Variants in SYNE1 observed in about 807,000 individuals in gnomAD.
SYNE1 encodes the protein nesprin-1.
A neutral mutation model predicts 1,111.0 loss-of-function variants in SYNE1; 616 were observed. The ratio of observed to expected loss-of-function variants is 0.55; its 90% CI spans 0.52 to 0.59. The LOEUF is 0.59. Ranked by LOEUF, SYNE1 falls within the 20% of genes least tolerant of loss-of-function variation. The probability of loss-of-function intolerance (pLI) is 0.00; values close to 1 mark genes in which losing one functional copy is unlikely to be tolerated. For missense variants in SYNE1, 10,006 were observed against 10,417.0 expected (o/e 0.96, Z 1.72); for synonymous variants, 3,855 against 3,825.8 (o/e 1.01, Z -0.28).
chr6:152,625,409 A>G (rs945542339), intron 3 of SYNE1, among the ~76,000 whole-genome samples: 1 of 152,206 alleles, frequency 6.6e-6, no homozygotes, highest in Non-Finnish European at 1.5e-5. Context: ...CACTCGCCAG[A>G]TCACTTTCAC....
intron 95 of SYNE1, among the ~76,000 whole-genome samples, chr6:152,292,765 C>A (rs1180780542): frequency 6.6e-6 from 1 of 152,200 alleles, no homozygotes; most frequent in Non-Finnish European, 1.5e-5. Flanking sequence ...AAATATCTTT[C>A]TTTCCTCCTG....
intron 128 of SYNE1, among the ~76,000 whole-genome samples, chr6:152,181,117 G>A (rs893321036): frequency 4.7e-5 from 7 of 149,482 alleles, no homozygotes; most frequent in South Asian, 4.2e-4. Flanking sequence ...AGTGGCTCAC[G>A]TCTGTAATCC....
At chr6:152,432,883 T>C (rs1173269185) in intron 34 of SYNE1, among the ~76,000 whole-genome samples, 1 of 152,106 alleles carries the variant, frequency 6.6e-6, no homozygotes, top group African/African-American at 2.4e-5. Context: ...ACTGTGTATA[T>C]GAAACTCCAT....
chr6:152,326,694 G>A (rs1195399392), intron 78 of SYNE1, 61 bp from the exon 79 acceptor site: 16 of 1,505,830 alleles, frequency 1.1e-5, no homozygotes, highest in Non-Finnish European at 1.4e-5. Flanking sequence ...GCAGGAAAGA[G>A]TTTTATTCAC....
At chr6:152,567,929 T>A (rs2099420052) in intron 3 of SYNE1, among the ~76,000 whole-genome samples, 1 of 152,114 alleles carries the variant, frequency 6.6e-6, no homozygotes, top group Middle Eastern at 3.4e-3. Context: ...AAATACACAG[T>A]CCAGAAAGAG....
chr6:152,364,889 T>C lies in SYNE1; in HGVS notation c.10103A>G (p.Asp3368Gly). Residue 3368 changes from aspartate to glycine, a missense_variant, in exon 63 of 146, where the codon GAT becomes GGT. Physicochemically the swap from Asp to Gly is moderately conservative, Grantham distance 94. Transcript: ENST00000367255. ...TGCAGACAAAAGGGATGCCCACATA[T>C]CCTTCACACTCTGCAGCTGCTGCTG... ...TIQQQLQSVK[D>G]MWASLLSAGI... The C allele has an allele frequency of 1.2e-6, 2 of 1,614,190 alleles. No homozygotes were observed. Among genetic ancestry groups the C allele is most frequent in the South Asian group, 1.1e-5 (1 of 91,076 alleles).
chr6:152,151,326 G>A (rs1448892278), intron 135 of SYNE1, among the ~76,000 whole-genome samples: 1 of 151,712 alleles, frequency 6.6e-6, no homozygotes, highest in Non-Finnish European at 1.5e-5. Flanking sequence ...CAACAATATC[G>A]ATATCAAATA....
intron 25 of SYNE1, among the ~76,000 whole-genome samples, chr6:152,453,114 G>A (rs182216682): frequency 6.6e-6 from 1 of 151,854 alleles, no homozygotes; most frequent in Non-Finnish European, 1.5e-5. Context: ...GGGGAAGAGG[G>A]GTATGCTTTG....
At chr6:152,353,555 C>G (rs1406590866) in intron 68 of SYNE1, 34 bp downstream of exon 68, 2 of 1,613,854 alleles carry the variant, frequency 1.2e-6, no homozygotes, top group Non-Finnish European at 1.7e-6. Flanking sequence ...GCGAAGTTTG[C>G]TGGTCTATGC....
chr6:152,499,381 G>A (rs1390504972), intron 10 of SYNE1, among the ~76,000 whole-genome samples: 2 of 151,910 alleles, frequency 1.3e-5, no homozygotes, highest in Non-Finnish European at 2.9e-5. Flanking sequence ...AAAACCCATG[G>A]TGATGTCGAT....
At chr6:152,179,883 C>A (rs1393748385) in intron 129 of SYNE1, among the ~76,000 whole-genome samples, 1 of 151,750 alleles carries the variant, frequency 6.6e-6, no homozygotes. Flanking sequence ...CAGGGTTTCA[C>A]CATGTTGGCC....
Position 152,387,066 on chromosome 6 carries a change from A to T in SYNE1, c.8487+6T>A. The T allele has an allele frequency of 1.2e-6, 2 of 1,610,818 alleles. No individual in the cohort carries two copies. The highest frequency in any genetic ancestry group is 1.7e-6 in the Non-Finnish European group (2 of 1,177,802). On this transcript the variant is annotated splice_donor_region_variant and intron_variant, in intron 54 of 145. Coordinates refer to ENST00000367255, the MANE Select transcript of SYNE1 (RefSeq NM_182961.4). ...AAAGCATCTACTTTCAATATAAAGCACTAACCTTGGCAACAGTCATTATAT... is the reference window on the plus strand; with the variant it reads ...AAAGCATCTACTTTCAATATAAAGCTCTAACCTTGGCAACAGTCATTATAT...
chr6:152,310,798 C>A lies in SYNE1; in HGVS notation c.16786G>T (p.Val5596Leu). The change falls in exon 88 of 146, where the codon GTG becomes TTG. Residue 5596 changes from valine (V) to leucine (L), a missense_variant. Val to Leu is a conservative substitution (Grantham distance 32). Coordinates refer to ENST00000367255, the MANE Select transcript of SYNE1 (RefSeq NM_182961.4). ...TGAGACATTTTTTCTGTACAGTACA[C>A]GCTAGTGAGGTACTGTAATTTCTCA... ...MTEKLQYLTS[V>L]YCTEKMSQQV... 1 of 1,614,050 alleles carries A rather than the reference C, an allele frequency of 6.2e-7. No homozygotes were observed. Among genetic ancestry groups the A allele is most frequent in the Non-Finnish European group, 8.5e-7 (1 of 1,179,992 alleles).
rs2095737367 is a variant in SYNE1 at position 152,316,832 on chromosome 6, A to G, written c.16710+17T>C. The G allele has an allele frequency of 6.2e-7, 1 of 1,613,784 alleles. No individual in the cohort carries two copies. The highest frequency in any genetic ancestry group is 1.3e-5 in the African/African-American group (1 of 74,906). On this transcript the variant is annotated intron_variant, in intron 87 of 145. Coordinates refer to ENST00000367255, the MANE Select transcript of SYNE1 (RefSeq NM_182961.4). Reference sequence around the variant, plus strand: ...TGCCCTTGGTTACTTTTTAAAGATTATTTTTCCTAAGGTTACCTGATGCAA... The same window carrying G: ...TGCCCTTGGTTACTTTTTAAAGATTGTTTTTCCTAAGGTTACCTGATGCAA...
chr6:152,145,460 A>G, intron 137 of SYNE1: 2 of 1,609,736 alleles, frequency 1.2e-6, no homozygotes, highest in Admixed American at 1.7e-5. Flanking sequence ...GGAGGGAGGG[A>G]GGCTGGCTCC....
At chr6:152,546,455 T>A (rs188552964) in intron 3 of SYNE1, 23 of 152,272 alleles carry the variant, frequency 1.5e-4, no homozygotes, top group Admixed American at 1.2e-3. Context: ...ATCAATAATA[T>A]GACAGAAGTG....
At chr6:152,491,827 T>C (rs1251867119) in intron 11 of SYNE1, among the ~76,000 whole-genome samples, 2 of 152,020 alleles carry the variant, frequency 1.3e-5, no homozygotes, top group Non-Finnish European at 2.9e-5. Flanking sequence ...TATGGACCCA[T>C]CTGACCTCTC....
chr6:152,463,888 G>C (rs1001458649), intron 18 of SYNE1, among the ~76,000 whole-genome samples: 5 of 152,140 alleles, frequency 3.3e-5, no homozygotes, highest in African/African-American at 1.2e-4. Context: ...TAATACATTA[G>C]GGAAATATAT....
chr6:152,215,185 C>A, intron 121 of SYNE1, 125 bp from the exon 122 acceptor site: 1 of 1,041,554 alleles, frequency 9.6e-7, no homozygotes. Flanking sequence ...CTCTGCATTT[C>A]TAGGCCACTT....
Sources: allele counts gnomAD v4.1 joint callset (sites outside exome capture counted in the v4.1 genomes callset), GRCh38; gene constraint gnomAD v4.1.1; transcripts MANE v1.5; gene names NCBI Gene and HGNC (gene_info 2026-07-23, HGNC 2026-07-21).